The following ROPN1 variants were observed in gnomAD, a reference collection of about 807,000 sequenced individuals.
The protein encoded by ROPN1 is ropporin-1A.
ROPN1 carries 14 observed loss-of-function variants against 20.5 expected under a neutral mutation model. The ratio of observed to expected loss-of-function variants is 0.68; its 90% confidence interval spans 0.45 to 1.07. ROPN1 has a LOEUF of 1.07. Among genes scored for constraint, ROPN1 ranks in the 50% least tolerant of loss-of-function variants. The pLI is 0.00. For synonymous variants in ROPN1, 76 were observed against 95.7 expected, an observed-to-expected ratio of 0.79 and a Z score of 1.20; for missense variants, 169 against 242.8, an observed-to-expected ratio of 0.70 and a Z score of 2.02.
At chr3:123,972,838 G>A (rs34754688) in intron 4 of ROPN1, among the ~76,000 whole-genome samples, 14,644 of 152,260 alleles carry the variant, frequency 0.096, 912 homozygotes, top group Middle Eastern at 0.2. Context: ...TCCACCAGAT[G>A]GTGACCCCTG....
At chr3:123,971,994 G>T (rs921636583) in intron 4 of ROPN1, among the ~76,000 whole-genome samples, 2 of 152,192 alleles carry the variant, frequency 1.3e-5, no homozygotes, top group Non-Finnish European at 2.9e-5. Context: ...AGACATGTAG[G>T]CACAGAGGAA....
At position 123,969,208 on chromosome 3, in the gene ROPN1, C is replaced by T; in HGVS notation, c.586G>A (p.Gly196Ser). The T allele has an allele frequency of 2.5e-6, 4 of 1,613,688 alleles. No homozygotes were observed. Among genetic ancestry groups the T allele is most frequent in the Non-Finnish European group, 3.4e-6 (4 of 1,179,646 alleles). Residue 196 changes from glycine (G) to serine (S), a missense_variant, in exon 6 of 6, where the codon GGT becomes AGT. Physicochemically the swap from Gly to Ser is moderately conservative, Grantham distance 56 (BLOSUM62 0). Around this residue, in one of 3 missense-constraint regions of ROPN1, gnomAD observed 82 missense variants for 100.1 expected, o/e 0.82. Transcript: ENST00000405845. ...YMEQEVIGPD[G>S]IITVNDFTQN... ...GTAAAGTCATTCACTGTGATTATAC[C>T]ATCAGGGCCAATTCTGTTTGGAAAA...
At chr3:123,981,116 A>C (rs2038138374) in intron 1 of ROPN1, among the ~76,000 whole-genome samples, 1 of 152,238 alleles carries the variant, frequency 6.6e-6, no homozygotes, top group Non-Finnish European at 1.5e-5. Context: ...AAAATATGAA[A>C]ATCCATAAAG....
intron 5 of ROPN1, 43 bp from the exon 6 acceptor site, chr3:123,969,264 T>C: frequency 6.9e-7 from 1 of 1,442,992 alleles, no homozygotes; most frequent in East Asian, 2.3e-5. Context: ...CATTGACAGT[T>C]AATCTTAAGA....
Position 123,980,022 on chromosome 3 carries a change from T to G in ROPN1, c.116+344A>C, listed in dbSNP as rs549094920. On this transcript the variant is annotated intron_variant, in intron 2 of 5. Transcript: ENST00000405845. ...ATTAAGCTTCGGAGATTCCCAGCCCTTCTTTCCACCGGGAGTGGGAAAAGG... is the reference window on the plus strand; with the variant it reads ...ATTAAGCTTCGGAGATTCCCAGCCCGTCTTTCCACCGGGAGTGGGAAAAGG... 1.0e-5 allele frequency: 5 copies of G among 501,516 alleles called. No homozygotes were observed. In the East Asian group the frequency reaches 1.6e-4, roughly 16 times the overall value. The allele number at this position is 501,516 out of a possible 1,614,324, so 31.1% of individuals were successfully genotyped here. A position where few individuals can be genotyped will look rare whatever the true frequency, so the allele number is the denominator to read the frequency against.
chr3:123,973,371 A>C (rs537385350), intron 4 of ROPN1, among the ~76,000 whole-genome samples: 1 of 152,306 alleles, frequency 6.6e-6, no homozygotes, highest in Admixed American at 6.5e-5. Context: ...AAGGCCTCTT[A>C]GAATTGGAGG....
intron 4 of ROPN1, 99 bp from the exon 5 acceptor site, chr3:123,970,316 T>A: frequency 1.9e-6 from 2 of 1,036,932 alleles, no homozygotes; most frequent in Non-Finnish European, 2.8e-6. Context: ...ATTGCTCTTA[T>A]AAAATGAAGT....
At chr3:123,987,731 C>A (rs1453649851) in intron 1 of ROPN1, among the ~76,000 whole-genome samples, 1 of 152,238 alleles carries the variant, frequency 6.6e-6, no homozygotes, top group African/African-American at 2.4e-5. Flanking sequence ...TTGCTAAGAG[C>A]AGTCCTACTT....
At chr3:123,976,642 A>G (rs550806034) in intron 3 of ROPN1, among the ~76,000 whole-genome samples, 8 of 152,338 alleles carry the variant, frequency 5.3e-5, no homozygotes, top group African/African-American at 1.2e-4. Flanking sequence ...GCCAGCTTCA[A>G]GGAAATCTGG....
chr3:123,976,474 G>A (rs1189221635), intron 3 of ROPN1, among the ~76,000 whole-genome samples: 1 of 152,204 alleles, frequency 6.6e-6, no homozygotes, highest in African/African-American at 2.4e-5. Context: ...GCAATGTCTG[G>A]ACCTTGGATA....
In ROPN1 at chr3:123,969,126, C is replaced by A; in HGVS notation, c.*29G>T. On this transcript the variant is annotated 3_prime_UTR_variant, in exon 6 of 6. Transcript: ENST00000405845. ...TTCTGAAGTACAATCATCTCTGTAT[C>A]TTCCTTTAAAATTGCCAAAATTGTG... The A allele has an allele frequency of 1.9e-6, 3 of 1,579,420 alleles. No individual in the cohort carries two copies. Among genetic ancestry groups the A allele is most frequent in the Non-Finnish European group, 2.6e-6 (3 of 1,148,652 alleles).
chr3:123,971,800 C>G (rs2037924077), intron 4 of ROPN1, among the ~76,000 whole-genome samples: 1 of 152,160 alleles, frequency 6.6e-6, no homozygotes, highest in African/African-American at 2.4e-5. Flanking sequence ...TGTTCTGTTG[C>G]CCTCTCCCAT....
At chr3:123,990,320 G>A (rs1361882035) in intron 1 of ROPN1, among the ~76,000 whole-genome samples, 3 of 152,088 alleles carry the variant, frequency 2.0e-5, no homozygotes, top group Admixed American at 6.5e-5. Flanking sequence ...AGGAAGAAGA[G>A]AAGGTGGAGA....
chr3:123,976,955 T>C lies in ROPN1; in HGVS notation c.143A>G (p.Glu48Gly), dbSNP rs933836585. ...AGACCGCTCTCTCACCGGAGGCGTC[T>C]CTCCACGGGACAGGGCCTCAAAATA... ...ADYFEALSRG[E>G]TPPVRERSER... The change falls in exon 3 of 6, where the codon GAG becomes GGG. Residue 48 changes from glutamate (E) to glycine (G), a missense_variant. Glu to Gly is a moderately conservative substitution (Grantham distance 98). This residue lies in a region of ROPN1 where 84 missense variants were observed against 99.3 expected (regional missense o/e 0.85). Coordinates refer to ENST00000405845, the MANE Select transcript of ROPN1 (RefSeq NM_001317774.2). 1 of 1,613,826 alleles carries C rather than the reference T, an allele frequency of 6.2e-7. No homozygotes were observed. Among genetic ancestry groups the C allele is most frequent in the Non-Finnish European group, 8.5e-7 (1 of 1,179,982 alleles).
chr3:123,983,679 G>GT (rs1278655563), intron 1 of ROPN1, among the ~76,000 whole-genome samples: 48 of 151,108 alleles, frequency 3.2e-4, no homozygotes, highest in Admixed American at 7.2e-4. Context: ...ACCTCTTGCA[G>GT]TTTTTTTTTC....
intron 4 of ROPN1, among the ~76,000 whole-genome samples, chr3:123,974,238 C>A (rs1397185318): frequency 6.6e-6 from 1 of 152,206 alleles, no homozygotes; most frequent in Non-Finnish European, 1.5e-5. Flanking sequence ...AAATCTGTAA[C>A]CCTATGAGAA....
intron 1 of ROPN1, 34 bp from the exon 2 acceptor site, chr3:123,980,527 A>T: frequency 6.3e-7 from 1 of 1,598,306 alleles, no homozygotes; most frequent in African/African-American, 1.3e-5. Context: ...GTTAAGATGA[A>T]AACTTCGATT....
intron 4 of ROPN1, among the ~76,000 whole-genome samples, chr3:123,972,478 T>C (rs753158253): frequency 1.3e-5 from 2 of 152,274 alleles, no homozygotes; most frequent in African/African-American, 4.8e-5. Context: ...TTCCTTCCAG[T>C]GAACATGATT....
In ROPN1 at chr3:123,969,031, TTTAA is replaced by T. The variant is rs1407007358; in HGVS notation, c.*120_*123del. ...TTCTGCACATTTCTGATCTCATATG[TTTAA>T]TTGTTTATTAGTGTGTACCAGTTGT... is the stretch of plus-strand genomic sequence containing the variant. On this transcript the variant is annotated 3_prime_UTR_variant, in exon 6 of 6. Coordinates refer to ENST00000405845, the MANE Select transcript of ROPN1 (RefSeq NM_001317774.2). The T allele has an allele frequency of 2.6e-6, 2 of 778,632 alleles. No individual in the cohort carries two copies. Among genetic ancestry groups the T allele is most frequent in the Non-Finnish European group, 4.5e-6 (2 of 445,932 alleles). 48.2% of individuals were successfully genotyped at this position (778,632 alleles called of 1,614,324 possible). A position where few individuals can be genotyped will look rare whatever the true frequency, so the allele number is the denominator to read the frequency against.
Sources: gnomAD v4.1 joint callset for allele counts (sites outside exome capture counted in the v4.1 genomes callset) on GRCh38, gnomAD v4.1.1 for gene constraint, gnomAD v4.1.1 regional missense constraint, MANE v1.5 for transcripts, NCBI Gene and HGNC (gene_info 2026-07-23, HGNC 2026-07-21) for gene names.